SAXO1: variants seen among roughly 807,000 people sequenced by gnomAD.
SAXO1 encodes the protein 4930500O09Rik.
SAXO1 carries 21 observed loss-of-function variants against 17.5 expected under a neutral mutation model. The observed-to-expected ratio is 1.20, with a 90% confidence interval of 0.85 to 1.72. SAXO1 has a LOEUF of 1.72. Ranked by LOEUF, SAXO1 falls within the 40% of genes most tolerant of loss-of-function variation. The probability of loss-of-function intolerance (pLI) is 0.00; values close to 1 mark genes in which losing one functional copy is unlikely to be tolerated. For synonymous variants in SAXO1, 274 were observed against 216.5 expected (o/e 1.27, Z -2.33); for missense variants, 843 against 596.0 (o/e 1.41, Z -4.32).
chr9:18,997,098 A>G lies in SAXO1; in HGVS notation c.38+35773T>C, dbSNP rs548976600. Among the ~76,000 whole-genome samples the G allele has an allele frequency of 7.0e-4, 106 of 152,340 alleles. 1 individual carries two copies. The highest frequency in any genetic ancestry group is 2.5e-3 in the African/African-American group (103 of 41,586). The stretch of plus-strand genomic sequence containing the variant: ...TTCATCTCATTGGGAATGGTTGGAC[A>G]GTGGGTGCCGCCCACAGAGGATGAG... On this transcript the variant is annotated intron_variant, in intron 1 of 3. Coordinates refer to ENST00000380534, the MANE Select transcript of SAXO1 (RefSeq NM_153707.4).
chr9:19,044,606 G>A lies in SAXO1; in HGVS notation c.-158+4603C>T, dbSNP rs564642461. Among the ~76,000 whole-genome samples, 4 of 152,282 alleles carry A rather than the reference G, an allele frequency of 2.6e-5. No homozygotes were observed. In the South Asian group the frequency reaches 6.2e-4, roughly 24 times the overall value. ...CCGGCGGGCGCGGTAGCTCACGCCT[G>A]TAATCCCAGTACTTTGGGAGGCTGA... On this transcript the variant is annotated intron_variant, in intron 1 of 3. Transcript: ENST00000542071.
At chr9:18,931,962 T>G (rs1831071383) in intron 3 of SAXO1, among the ~76,000 whole-genome samples, 1 of 152,214 alleles carries the variant, frequency 6.6e-6, no homozygotes, top group Admixed American at 6.6e-5. Flanking sequence ...ATCACTTCTC[T>G]TTTCATTTTC....
intron 1 of SAXO1, among the ~76,000 whole-genome samples, chr9:18,959,379 T>C (rs151188756): frequency 1.5e-3 from 234 of 152,202 alleles, no homozygotes; most frequent in Non-Finnish European, 2.2e-3. Flanking sequence ...ATGGATGACA[T>C]TAAAAAGACA....
chr9:18,941,192 C>T (rs1831539266), intron 3 of SAXO1, among the ~76,000 whole-genome samples: 1 of 152,122 alleles, frequency 6.6e-6, no homozygotes, highest in Non-Finnish European at 1.5e-5. Flanking sequence ...ATATAGGATT[C>T]AAACTGCAAG....
At chr9:19,040,736 A>C (rs1012895782) in intron 1 of SAXO1, among the ~76,000 whole-genome samples, 34 of 152,192 alleles carry the variant, frequency 2.2e-4, no homozygotes, top group African/African-American at 8.0e-4. Context: ...TTTCTCAAGA[A>C]GGTAAACCTA....
chr9:18,934,767 T>A (rs1831217158), intron 3 of SAXO1, among the ~76,000 whole-genome samples: 1 of 152,238 alleles, frequency 6.6e-6, no homozygotes, highest in Admixed American at 6.5e-5. Context: ...ACACTTTAGA[T>A]AATATGCTGC....
intron 2 of SAXO1, among the ~76,000 whole-genome samples, chr9:18,949,042 A>C (rs1381829965): frequency 6.6e-6 from 1 of 152,190 alleles, no homozygotes; most frequent in Non-Finnish European, 1.5e-5. Flanking sequence ...ATGCTCAGAA[A>C]TGGTTCACAC....
In SAXO1 at chr9:18,928,660, CAGT is replaced by C; in HGVS notation, c.814_816del (p.Thr272del). On this transcript the variant is annotated inframe_deletion, in exon 4 of 4. Transcript: ENST00000380534. ...CAAGCTTGGTACTTATCTCGAAACT[CAGT>C]GGTGTTACAGAAAGGCATGTCTAGC... 6.2e-7 allele frequency: 1 copy of C among 1,614,074 alleles called. No individual in the cohort carries two copies. The highest frequency in any genetic ancestry group is 8.5e-7 in the Non-Finnish European group (1 of 1,180,022).
At chr9:18,979,608 A>G (rs1250987840) in intron 1 of SAXO1, among the ~76,000 whole-genome samples, 1 of 152,202 alleles carries the variant, frequency 6.6e-6, no homozygotes, top group Non-Finnish European at 1.5e-5. Flanking sequence ...CAGACTCTGG[A>G]TTGGGAGTGA....
chr9:18,960,042 C>T (rs1448472034), intron 1 of SAXO1, among the ~76,000 whole-genome samples: 1 of 152,194 alleles, frequency 6.6e-6, no homozygotes, highest in Non-Finnish European at 1.5e-5. Flanking sequence ...AGAGCCAGAG[C>T]TGAGGGATGG....
chr9:18,981,934 G>C (rs1833403197), intron 1 of SAXO1, among the ~76,000 whole-genome samples: 1 of 152,192 alleles, frequency 6.6e-6, no homozygotes, highest in South Asian at 2.1e-4. Context: ...TGGCTTTGCA[G>C]CCTGGATGAG....
chr9:18,957,982 C>T (rs1333675832), intron 1 of SAXO1, among the ~76,000 whole-genome samples: 1 of 152,172 alleles, frequency 6.6e-6, no homozygotes, highest in Non-Finnish European at 1.5e-5. Flanking sequence ...CATAGATATA[C>T]TTTACAGCAA....
At chr9:18,962,221 C>T (rs1023810094) in intron 1 of SAXO1, among the ~76,000 whole-genome samples, 3 of 152,208 alleles carry the variant, frequency 2.0e-5, no homozygotes, top group Non-Finnish European at 4.4e-5. Flanking sequence ...GCATGTGCCA[C>T]CACACCCGGC....
chr9:18,960,620 A>G (rs1832445734), intron 1 of SAXO1, among the ~76,000 whole-genome samples: 2 of 152,108 alleles, frequency 1.3e-5, no homozygotes, highest in African/African-American at 2.4e-5. Context: ...TCTACAAAAA[A>G]CAACATACAA....
intron 1 of SAXO1, among the ~76,000 whole-genome samples, chr9:19,041,319 T>C (rs139393917): frequency 6.6e-6 from 1 of 152,276 alleles, no homozygotes; most frequent in Non-Finnish European, 1.5e-5. Context: ...TGGAAAAATA[T>C]TCCATGTACA....
chr9:19,015,716 C>T (rs926853264), intron 1 of SAXO1, among the ~76,000 whole-genome samples: 1 of 150,322 alleles, frequency 6.7e-6, no homozygotes, highest in Non-Finnish European at 1.5e-5. Context: ...TGGCCTCAAA[C>T]GATCCTTCTG....
At chr9:18,938,830 G>GTA (rs1831418790) in intron 3 of SAXO1, among the ~76,000 whole-genome samples, 2 of 147,764 alleles carry the variant, frequency 1.4e-5, no homozygotes, top group Admixed American at 6.7e-5. Flanking sequence ...GCGTGTGTGT[G>GTA]TGTGTGTGTG....
intron 1 of SAXO1, among the ~76,000 whole-genome samples, chr9:19,024,558 C>T (rs1482211854): frequency 1.3e-5 from 2 of 152,092 alleles, no homozygotes; most frequent in African/African-American, 2.4e-5. Context: ...CTAACCTGCA[C>T]GTTGTGCACA....
chr9:19,017,114 G>T (rs1012106775), intron 1 of SAXO1, among the ~76,000 whole-genome samples: 5 of 152,002 alleles, frequency 3.3e-5, no homozygotes, highest in African/African-American at 1.2e-4. Flanking sequence ...TTTGAGACCA[G>T]CCTGGACAAC....
Sources: gnomAD v4.1 joint callset for allele counts (sites outside exome capture counted in the v4.1 genomes callset) on GRCh38, gnomAD v4.1.1 for gene constraint, MANE v1.5 for transcripts, NCBI Gene and HGNC (gene_info 2026-07-23, HGNC 2026-07-21) for gene names.